Variants in CFAP43 observed in about 807,000 individuals in gnomAD.
CFAP43 encodes cilia and flagella associated protein 43.
In CFAP43, 155 loss-of-function variants were observed where a neutral mutation model predicts 218.9. That is an observed-to-expected ratio of 0.71 (90% CI 0.62 to 0.81). The LOEUF is 0.81. Ranked by LOEUF, CFAP43 falls within the 30% of genes least tolerant of loss-of-function variation. CFAP43 has a pLI of 0.00. For synonymous variants in CFAP43, 645 were observed against 681.3 expected, an observed-to-expected ratio of 0.95 and a Z score of 0.83; for missense variants, 1,778 against 1,954.3, an observed-to-expected ratio of 0.91 and a Z score of 1.70.
intron 17 of CFAP43, among the ~76,000 whole-genome samples, chr10:104,180,240 C>T (rs577534559): frequency 6.6e-6 from 1 of 152,312 alleles, no homozygotes; most frequent in African/African-American, 2.4e-5. Context: ...CCTGTGCCAC[C>T]ATCTATGCTT....
chr10:104,227,175 A>G (rs2091325887), intron 2 of CFAP43, among the ~76,000 whole-genome samples: 1 of 152,212 alleles, frequency 6.6e-6, no homozygotes, highest in South Asian at 2.1e-4. Context: ...ATACCCCTTT[A>G]TAGTATATTT....
chr10:104,223,148 G>A (rs2091226402), intron 3 of CFAP43, among the ~76,000 whole-genome samples: 1 of 152,242 alleles, frequency 6.6e-6, no homozygotes, highest in Non-Finnish European at 1.5e-5. Context: ...GCTCAAGGTG[G>A]TGGGCATGTA....
In CFAP43 at chr10:104,143,618, G is replaced by C. The variant is rs767534380; in HGVS notation, c.3966C>G (p.His1322Gln). The C allele has an allele frequency of 8.1e-6, 13 of 1,614,132 alleles. No individual in the cohort carries two copies. The highest frequency in any genetic ancestry group is 3.3e-5 in the Admixed American group (2 of 60,018). Residue 1322 changes from histidine to glutamine, a missense_variant, in exon 32 of 38, where the codon CAC becomes CAG. By Grantham distance (24) the His-to-Gln change is conservative. Transcript: ENST00000357060. ...AAGGGACAACGCTGGTTGTTTCTGAGTGCGTTTTCTGTTTGGAAATCCTGG... is the reference window on the plus strand; with the variant it reads ...AAGGGACAACGCTGGTTGTTTCTGACTGCGTTTTCTGTTTGGAAATCCTGG... ...RRPRISKQKT[H>Q]SETTSVVPFG...
chr10:104,192,796 A>G (rs2090269743), intron 11 of CFAP43: 1 of 173,578 alleles, frequency 5.8e-6, no homozygotes, highest in Non-Finnish European at 1.2e-5. Context: ...ATGACAGTGC[A>G]GAAAGGCAGG....
At chr10:104,131,624 A>AC in intron 36 of CFAP43, 140 bp from the exon 37 acceptor site, 5 of 967,418 alleles carry the variant, frequency 5.2e-6, no homozygotes, top group South Asian at 2.0e-5. Context: ...AGTGCCTGGC[A>AC]TAGTAGGCAC....
At chr10:104,135,813 G>A (rs1185281711) in intron 34 of CFAP43, among the ~76,000 whole-genome samples, 1 of 151,182 alleles carries the variant, frequency 6.6e-6, no homozygotes. Context: ...TGCAATCACT[G>A]CCAAAATTTC....
intron 15 of CFAP43, 122 bp downstream of exon 15, chr10:104,185,852 C>T: frequency 2.7e-6 from 2 of 739,482 alleles, no homozygotes; most frequent in Non-Finnish European, 4.1e-6. Context: ...GTAATTAGTA[C>T]CTTCAATATC....
chr10:104,170,218 T>C (rs1316062743), intron 20 of CFAP43, among the ~76,000 whole-genome samples: 3 of 151,414 alleles, frequency 2.0e-5, no homozygotes, highest in East Asian at 3.9e-4. Flanking sequence ...ATAAACAATA[T>C]GAGGGAAACT....
chr10:104,162,062 G>C, intron 25 of CFAP43, 21 bp from the exon 26 acceptor site: 1 of 1,609,366 alleles, frequency 6.2e-7, no homozygotes, highest in Non-Finnish European at 8.5e-7. Context: ...GCCAGAATCA[G>C]AGAGGAATAC....
intron 23 of CFAP43, 130 bp downstream of exon 23, chr10:104,166,358 C>T (rs905915914): frequency 8.8e-6 from 6 of 683,606 alleles, no homozygotes; most frequent in Non-Finnish European, 1.5e-5. Flanking sequence ...AGGTGTGAGC[C>T]ACTGTGCCCA....
rs148204337 is a variant in CFAP43 at position 104,146,328 on chromosome 10, G to A, written c.3790C>T (p.Arg1264Trp). Reference sequence around the variant, plus strand: ...ACATCCAGGTCTTCTCTAGATTTCCGAACAGCTTCTGAAGTCTGGCTCTAT... The same window carrying A: ...ACATCCAGGTCTTCTCTAGATTTCCAAACAGCTTCTGAAGTCTGGCTCTAT... ...HEKSQTSEAV[R>W]KSREDLDVCK... is the part of the protein sequence containing the mutation. Residue 1264 changes from arginine (R) to tryptophan (W), a missense_variant, in exon 30 of 38, where the codon CGG becomes TGG. Physicochemically the swap from Arg to Trp is moderately radical, Grantham distance 101. This residue lies in a region of CFAP43 where 1,553 missense variants were observed against 1,685.2 expected (regional missense o/e 0.92). Transcript: ENST00000357060. 3,759 of 1,613,456 alleles carry A rather than the reference G, an allele frequency of 2.3e-3. 14 individuals carry two copies. Among genetic ancestry groups the A allele is most frequent in the Non-Finnish European group, 2.6e-3 (3,076 of 1,179,618 alleles).
At chr10:104,192,175 A>G (rs777392793) in intron 12 of CFAP43, 24 bp downstream of exon 12, 7 of 1,501,398 alleles carry the variant, frequency 4.7e-6, no homozygotes, top group Non-Finnish European at 6.4e-6. Context: ...AATATTTTAA[A>G]TTAATCAGCA....
chr10:104,151,956 A>T (rs780350701), intron 28 of CFAP43, among the ~76,000 whole-genome samples: 1 of 152,078 alleles, frequency 6.6e-6, no homozygotes, highest in Non-Finnish European at 1.5e-5. Context: ...GCTAGAAATA[A>T]TTTTTTCCTC....
intron 35 of CFAP43, 23 bp from the exon 36 acceptor site, chr10:104,132,219 G>T: frequency 6.7e-7 from 1 of 1,503,404 alleles, no homozygotes; most frequent in Non-Finnish European, 9.1e-7. Context: ...AAAAAAACAT[G>T]TAAGGATATT....
At chr10:104,223,555 T>A (rs1180305869) in intron 3 of CFAP43, among the ~76,000 whole-genome samples, 1 of 152,246 alleles carries the variant, frequency 6.6e-6, no homozygotes, top group Non-Finnish European at 1.5e-5. Context: ...CTAACACATT[T>A]GTGCTCATTC....
At chr10:104,227,229 C>A (rs891878610) in intron 2 of CFAP43, among the ~76,000 whole-genome samples, 3 of 152,050 alleles carry the variant, frequency 2.0e-5, no homozygotes, top group Non-Finnish European at 4.4e-5. Context: ...GTTGCTCCAA[C>A]CTTGTGCTAT....
intron 3 of CFAP43, 58 bp from the exon 4 acceptor site, chr10:104,214,484 A>G: frequency 1.5e-6 from 2 of 1,359,500 alleles, no homozygotes; most frequent in Non-Finnish European, 2.0e-6. Context: ...TGTATTTAGA[A>G]CATTTATCTA....
intron 4 of CFAP43, among the ~76,000 whole-genome samples, chr10:104,213,787 G>A (rs1321933870): frequency 2.0e-5 from 3 of 152,040 alleles, no homozygotes; most frequent in Non-Finnish European, 4.4e-5. Flanking sequence ...CGCCTGCCTC[G>A]GCCTCCCAGA....
At chr10:104,210,209 C>T (rs1250170295) in intron 5 of CFAP43, among the ~76,000 whole-genome samples, 2 of 152,164 alleles carry the variant, frequency 1.3e-5, no homozygotes, top group Admixed American at 6.5e-5. Flanking sequence ...GTGGAACCCA[C>T]GAATGCAGGA....
Sources: allele counts gnomAD v4.1 joint callset (sites outside exome capture counted in the v4.1 genomes callset), GRCh38; gene constraint gnomAD v4.1.1; regional missense constraint gnomAD v4.1.1; transcripts MANE v1.5; gene names NCBI Gene and HGNC (gene_info 2026-07-23, HGNC 2026-07-21).